Variants in PRKG1 observed in about 807,000 individuals in gnomAD.
The protein encoded by PRKG1 is protein kinase cGMP-dependent 1.
In PRKG1, 35 loss-of-function variants were observed where a neutral mutation model predicts 88.1. The observed-to-expected ratio is 0.40, with a 90% CI of 0.30 to 0.53. PRKG1 has a LOEUF of 0.53. PRKG1 is among the 20% of genes least tolerant of loss of function. The pLI, the probability that PRKG1 is intolerant of heterozygous loss-of-function variation, is 0.59. For synonymous variants in PRKG1, 303 were observed against 292.5 expected (o/e 1.04, Z -0.37); for missense variants, 540 against 839.8 (o/e 0.64, Z 4.41).
chr10:51,731,837 A>C (rs1009322177), intron 3 of PRKG1, among the ~76,000 whole-genome samples: 3 of 152,198 alleles, frequency 2.0e-5, no homozygotes, highest in African/African-American at 7.2e-5. Flanking sequence ...TCTGGAGGCT[A>C]GAAGTTTAAT....
intron 2 of PRKG1, among the ~76,000 whole-genome samples, chr10:51,409,293 G>A (rs1838009254): frequency 6.6e-6 from 1 of 152,196 alleles, no homozygotes; most frequent in Non-Finnish European, 1.5e-5. Flanking sequence ...CAGGCTGGGG[G>A]AGAGAAGACA....
intron 2 of PRKG1, among the ~76,000 whole-genome samples, chr10:51,428,750 A>G (rs1301982845): frequency 6.6e-6 from 1 of 152,128 alleles, no homozygotes; most frequent in Non-Finnish European, 1.5e-5. Flanking sequence ...GCAGAAAGTG[A>G]AAAAAACGCA....
chr10:52,086,058 G>T (rs1318408295), intron 7 of PRKG1, among the ~76,000 whole-genome samples: 1 of 151,656 alleles, frequency 6.6e-6, no homozygotes, highest in Non-Finnish European at 1.5e-5. Flanking sequence ...AAATATTGCT[G>T]AATTCATATA....
intron 3 of PRKG1, chr10:51,698,180 C>G (rs1174413426): frequency 2.5e-6 from 4 of 1,614,170 alleles, no homozygotes; most frequent in Non-Finnish European, 3.4e-6. Context: ...CATCTCCAAT[C>G]CTCTTGCATC....
intron 2 of PRKG1, among the ~76,000 whole-genome samples, chr10:51,188,144 G>A (rs959918137): frequency 3.9e-5 from 6 of 151,970 alleles, no homozygotes; most frequent in African/African-American, 1.4e-4. Flanking sequence ...ACACTGACAA[G>A]GAAATGAAGG....
rs150239059 is a variant in PRKG1 at position 52,078,041 on chromosome 10, C to T, written c.935+15410C>T. Among the ~76,000 whole-genome samples the T allele has an allele frequency of 4.7e-4, 71 of 152,282 alleles. No homozygotes were observed. The South Asian group carries it at 0.012, about 25-fold the overall frequency. On this transcript the variant is annotated intron_variant, in intron 7 of 17. Coordinates refer to ENST00000373980, the MANE Select transcript of PRKG1 (RefSeq NM_006258.4). ...ACTGCCACTCTCACTGTCTACTCGA[C>T]GACATCGTTGCTGCAAGCCTGCTTC...
intron 2 of PRKG1, among the ~76,000 whole-genome samples, chr10:51,218,656 A>T (rs1486342234): frequency 2.0e-5 from 3 of 151,410 alleles, no homozygotes; most frequent in African/African-American, 7.3e-5. Context: ...ACCAATGCAT[A>T]GAAATATTAT....
intron 3 of PRKG1, chr10:51,697,318 T>C (rs1476642188): frequency 5.5e-6 from 1 of 181,260 alleles, no homozygotes; most frequent in Non-Finnish European, 1.1e-5. Flanking sequence ...CTTAGTACAT[T>C]AACGTTTTAA....
chr10:51,001,977 G>T (rs1215526769), intron 1 of PRKG1, among the ~76,000 whole-genome samples: 1 of 151,914 alleles, frequency 6.6e-6, no homozygotes, highest in African/African-American at 2.4e-5. Context: ...CCAGTTAGTA[G>T]TGGTTTTGGG....
chr10:51,084,033 C>A (rs1487688571), intron 1 of PRKG1, among the ~76,000 whole-genome samples: 1 of 152,116 alleles, frequency 6.6e-6, no homozygotes, highest in Non-Finnish European at 1.5e-5. Flanking sequence ...CAGCAAGGAG[C>A]TTTTCTGTCT....
intron 2 of PRKG1, among the ~76,000 whole-genome samples, chr10:51,420,341 G>C (rs1051271435): frequency 1.2e-4 from 19 of 152,100 alleles, no homozygotes; most frequent in Non-Finnish European, 2.4e-4. Context: ...GAAGATTTTT[G>C]GTTCAGTAGA....
At chr10:51,405,683 T>C (rs934452787) in intron 2 of PRKG1, among the ~76,000 whole-genome samples, 1 of 152,210 alleles carries the variant, frequency 6.6e-6, no homozygotes, top group African/African-American at 2.4e-5. Context: ...CCTGTGCTTG[T>C]GTCTCATCCT....
chr10:51,554,840 A>G (rs1222422146), intron 3 of PRKG1, among the ~76,000 whole-genome samples: 1 of 151,818 alleles, frequency 6.6e-6, no homozygotes, highest in Non-Finnish European at 1.5e-5. Flanking sequence ...CTCTGACAAT[A>G]CTTCACTGTA....
chr10:51,874,674 G>C (rs1385304892), intron 4 of PRKG1, among the ~76,000 whole-genome samples: 1 of 152,070 alleles, frequency 6.6e-6, no homozygotes, highest in East Asian at 1.9e-4. Context: ...AGCAAGTTGT[G>C]GTAAAATATA....
intron 3 of PRKG1, among the ~76,000 whole-genome samples, chr10:51,675,797 CT>C (rs1473350142): frequency 1.3e-5 from 2 of 152,026 alleles, no homozygotes; most frequent in Non-Finnish European, 2.9e-5. Flanking sequence ...TTCTATAGTT[CT>C]TGAACAAAAT....
intron 10 of PRKG1, 199 bp downstream of exon 10, chr10:52,251,865 A>C (rs774171516): frequency 8.3e-6 from 4 of 481,312 alleles, no homozygotes; most frequent in Non-Finnish European, 1.5e-5. Flanking sequence ...TCAACGACTA[A>C]AAATAAAATA....
intron 2 of PRKG1, among the ~76,000 whole-genome samples, chr10:51,312,324 A>G (rs552035616): frequency 6.6e-6 from 1 of 152,270 alleles, no homozygotes; most frequent in East Asian, 1.9e-4. Flanking sequence ...GAAAATGAAA[A>G]CTACAAAACT....
At chr10:51,301,938 C>A (rs1840899343) in intron 2 of PRKG1, among the ~76,000 whole-genome samples, 1 of 152,200 alleles carries the variant, frequency 6.6e-6, no homozygotes, top group Admixed American at 6.5e-5. Context: ...CATGTGTCAT[C>A]TGTGTGAATT....
rs145875655 is a variant in PRKG1 at position 52,212,231 on chromosome 10, G to C, written c.1077-39339G>C. Among the ~76,000 whole-genome samples the C allele has an allele frequency of 2.4e-4, 36 of 152,186 alleles. 2 individuals are homozygous for C. Among genetic ancestry groups the C allele is most frequent in the Middle Eastern group, 6.3e-3 (2 of 316 alleles). On this transcript the variant is annotated intron_variant, in intron 9 of 17. Coordinates refer to ENST00000373980, the MANE Select transcript of PRKG1 (RefSeq NM_006258.4). ...CTGGATTGGTTACAGCTCAGCATCT[G>C]CTTTAGTCAGAGAAGGTTTGAGCAA... is the stretch of plus-strand genomic sequence containing the variant.
Sources: gnomAD v4.1 joint callset for allele counts (sites outside exome capture counted in the v4.1 genomes callset) on GRCh38, gnomAD v4.1.1 for gene constraint, MANE v1.5 for transcripts, NCBI Gene and HGNC (gene_info 2026-07-23, HGNC 2026-07-21) for gene names.